The following CDH12 variants were observed in gnomAD, a reference collection of about 807,000 sequenced individuals.
CDH12 encodes cadherin 12, also known as cadherin-12.
Under a neutral mutation model 74.1 loss-of-function variants are expected in CDH12, and 41 were observed. That is an observed-to-expected ratio of 0.55 (90% CI 0.43 to 0.72). The LOEUF (loss-of-function observed/expected upper bound fraction) is 0.72. CDH12 is among the 30% of genes least tolerant of loss of function. The probability of loss-of-function intolerance (pLI) is 0.00; values close to 1 mark genes in which losing one functional copy is unlikely to be tolerated. For synonymous variants in CDH12, 399 were observed against 355.0 expected (o/e 1.12, Z -1.39); for missense variants, 945 against 977.2 (o/e 0.97, Z 0.44).
rs548271590 is a variant in CDH12 at position 22,033,176 on chromosome 5, C to T, written c.231+45270G>A. ...TTTTGTTGCAAAATGCACTGGAATA[C>T]ATACATTCTGTGAGTAGAAAATGGA... is the stretch of plus-strand genomic sequence containing the variant. On this transcript the variant is annotated intron_variant, in intron 5 of 14. Transcript: ENST00000382254. Among the ~76,000 whole-genome samples the T allele has an allele frequency of 2.0e-5, 3 of 152,146 alleles. No individual in the cohort carries two copies. The East Asian group carries it at 5.8e-4, about 29-fold the overall frequency.
At chr5:21,918,233 G>A (rs1407858976) in intron 6 of CDH12, among the ~76,000 whole-genome samples, 1 of 152,072 alleles carries the variant, frequency 6.6e-6, no homozygotes, top group East Asian at 1.9e-4. Flanking sequence ...ACAGCACACT[G>A]AAAATCCAGT....
At chr5:22,423,241 G>A (rs990815571) in intron 2 of CDH12, among the ~76,000 whole-genome samples, 7 of 148,620 alleles carry the variant, frequency 4.7e-5, no homozygotes, top group Non-Finnish European at 7.4e-5. Flanking sequence ...ATACCCTAGC[G>A]AACTTATGAA....
chr5:22,846,193 T>C (rs1324592078), intron 1 of CDH12, among the ~76,000 whole-genome samples: 1 of 152,136 alleles, frequency 6.6e-6, no homozygotes, highest in Non-Finnish European at 1.5e-5. Flanking sequence ...AATGGGTATA[T>C]TTAGGGTGCG....
intron 1 of CDH12, among the ~76,000 whole-genome samples, chr5:22,574,692 G>C (rs1171884040): frequency 6.6e-6 from 1 of 152,020 alleles, no homozygotes; most frequent in Non-Finnish European, 1.5e-5. Context: ...GCCTTCAGGA[G>C]ACTGACTTAA....
At chr5:22,569,725 C>A in intron 1 of CDH12, among the ~76,000 whole-genome samples, 1 of 152,148 alleles carries the variant, frequency 6.6e-6, no homozygotes, top group East Asian at 1.9e-4. Flanking sequence ...TGAGTTACAG[C>A]AATTTAGTCC....
intron 1 of CDH12, among the ~76,000 whole-genome samples, chr5:22,649,979 T>C (rs963803075): frequency 1.3e-5 from 2 of 151,988 alleles, no homozygotes; most frequent in African/African-American, 4.8e-5. Context: ...TAGTTATATG[T>C]ATATTTTTGT....
intron 3 of CDH12, among the ~76,000 whole-genome samples, chr5:22,340,038 G>A (rs915700560): frequency 7.2e-5 from 11 of 151,970 alleles, no homozygotes; most frequent in African/African-American, 1.9e-4. Flanking sequence ...CTTACAAGAC[G>A]GAAAGTCATT....
chr5:22,767,634 G>C (rs1054540880), intron 1 of CDH12, among the ~76,000 whole-genome samples: 1 of 151,762 alleles, frequency 6.6e-6, no homozygotes, highest in Non-Finnish European at 1.5e-5. Context: ...TTTTAATGTA[G>C]CTATGCTGCT....
intron 8 of CDH12, 108 bp downstream of exon 8, chr5:21,842,053 C>T: frequency 1.2e-6 from 1 of 852,520 alleles, no homozygotes; most frequent in Non-Finnish European, 1.8e-6. Flanking sequence ...CTTCTGCTTC[C>T]TAAAGACTAA....
intron 1 of CDH12, among the ~76,000 whole-genome samples, chr5:22,730,679 T>G (rs930159174): frequency 3.3e-5 from 5 of 151,778 alleles, no homozygotes; most frequent in African/African-American, 1.2e-4. Context: ...CACATTGAAG[T>G]TGGGAACTCT....
At chr5:21,982,606 C>T (rs1167035653) in intron 5 of CDH12, among the ~76,000 whole-genome samples, 2 of 151,630 alleles carry the variant, frequency 1.3e-5, no homozygotes, top group Admixed American at 6.6e-5. Flanking sequence ...CTAAATATCT[C>T]TATATCTATA....
intron 4 of CDH12, among the ~76,000 whole-genome samples, chr5:22,117,821 A>G (rs952381369): frequency 6.6e-6 from 1 of 150,848 alleles, no homozygotes; most frequent in Non-Finnish European, 1.5e-5. Flanking sequence ...CTATGTGAAA[A>G]AAATGTAATG....
At chr5:22,032,116 T>G (rs1353129141) in intron 5 of CDH12, among the ~76,000 whole-genome samples, 1 of 151,666 alleles carries the variant, frequency 6.6e-6, no homozygotes, top group African/African-American at 2.4e-5. Context: ...ATATAATATA[T>G]ATTTCAACTA....
intron 3 of CDH12, among the ~76,000 whole-genome samples, chr5:22,276,228 T>C (rs995875076): frequency 1.3e-5 from 2 of 152,160 alleles, no homozygotes; most frequent in African/African-American, 4.8e-5. Flanking sequence ...GCCAGTAAAG[T>C]ATAAGCAGTA....
intron 3 of CDH12, among the ~76,000 whole-genome samples, chr5:22,241,129 T>C (rs1170582331): frequency 6.6e-6 from 1 of 152,144 alleles, no homozygotes; most frequent in East Asian, 1.9e-4. Flanking sequence ...TATTTCTTAT[T>C]ATAGGCTGTG....
intron 4 of CDH12, among the ~76,000 whole-genome samples, chr5:22,082,194 T>C (rs1297669417): frequency 6.6e-6 from 1 of 152,162 alleles, no homozygotes. Flanking sequence ...CACAATTTCA[T>C]GGAGAGGTTT....
At chr5:22,010,585 T>A (rs1224897306) in intron 5 of CDH12, among the ~76,000 whole-genome samples, 6 of 152,218 alleles carry the variant, frequency 3.9e-5, no homozygotes, top group Non-Finnish European at 7.3e-5. Context: ...GTTTTCTGAA[T>A]AAAATATGCA....
intron 11 of CDH12, among the ~76,000 whole-genome samples, chr5:21,781,130 G>A (rs975487862): frequency 7.2e-5 from 11 of 152,144 alleles, no homozygotes; most frequent in African/African-American, 2.7e-4. Context: ...CAATATAGTG[G>A]CAACCTATAA....
chr5:22,430,171 C>A (rs1744108346), intron 2 of CDH12, among the ~76,000 whole-genome samples: 1 of 152,120 alleles, frequency 6.6e-6, no homozygotes, highest in Non-Finnish European at 1.5e-5. Flanking sequence ...TAGAAGTAAT[C>A]TCCCACTGAC....
Sources: allele counts gnomAD v4.1 joint callset (sites outside exome capture counted in the v4.1 genomes callset), GRCh38; gene constraint gnomAD v4.1.1; transcripts MANE v1.5; gene names NCBI Gene and HGNC (gene_info 2026-07-23, HGNC 2026-07-21).